The following RAMP1 variants were observed in gnomAD, a reference collection of about 807,000 sequenced individuals.
The protein encoded by RAMP1 is receptor activity modifying protein 1.
RAMP1 carries 7 observed loss-of-function variants against 8.2 expected under a neutral mutation model. That is an observed-to-expected ratio of 0.85 (90% confidence interval 0.49 to 1.60). The LOEUF is 1.60. Ranked by LOEUF, RAMP1 falls within the 40% of genes most tolerant of loss-of-function variation. RAMP1 has a pLI of 0.00. For synonymous variants in RAMP1, 92 were observed against 84.7 expected (o/e 1.09, Z -0.47); for missense variants, 192 against 202.4 (o/e 0.95, Z 0.31).
chr2:237,904,087 ATTT>A (rs2062631778), intron 2 of RAMP1, among the ~76,000 whole-genome samples: 1 of 152,120 alleles, frequency 6.6e-6, no homozygotes, highest in Non-Finnish European at 1.5e-5. Context: ...TTGGTCTTTC[ATTT>A]CACATGCTTA....
intron 1 of RAMP1, among the ~76,000 whole-genome samples, chr2:237,864,462 G>A (rs1415170379): frequency 6.6e-6 from 1 of 152,216 alleles, no homozygotes; most frequent in Non-Finnish European, 1.5e-5. Context: ...TCTTGCCTCT[G>A]GAGGAGACAG....
At chr2:237,882,924 A>G (rs1004165303) in intron 2 of RAMP1, among the ~76,000 whole-genome samples, 1 of 152,140 alleles carries the variant, frequency 6.6e-6, no homozygotes, top group Non-Finnish European at 1.5e-5. Flanking sequence ...GGCTGGCCTC[A>G]GGGAATGCTC....
chr2:237,884,412 A>G (rs759968326), intron 2 of RAMP1, among the ~76,000 whole-genome samples: 3 of 152,166 alleles, frequency 2.0e-5, no homozygotes, highest in Non-Finnish European at 2.9e-5. Flanking sequence ...AGACCTTCCT[A>G]TGGGTGTAGG....
chr2:237,878,117 CG>C lies in RAMP1; in HGVS notation c.191+759del. ...TCCTGGGGCTGCAGTGGGTGAGTAG[CG>C]GGGTCAGCAGTGCATGCGTGGAGCT... is the stretch of plus-strand genomic sequence containing the variant. On this transcript the variant is annotated intron_variant, in intron 2 of 2. Transcript: ENST00000254661. This position sits in a 1 kb window ranked among gnomAD's most constrained non-coding sequence, Gnocchi z 5.7. 1.0e-6 allele frequency: 1 copy of C among 985,396 alleles called. No homozygotes were observed. Among genetic ancestry groups the C allele is most frequent in the Non-Finnish European group, 1.2e-6 (1 of 829,900 alleles). 61.0% of individuals were successfully genotyped at this position (985,396 alleles called of 1,614,324 possible).
At chr2:237,906,560 T>G (rs1009027319) in intron 2 of RAMP1, among the ~76,000 whole-genome samples, 11 of 152,268 alleles carry the variant, frequency 7.2e-5, no homozygotes, top group Middle Eastern at 3.4e-3. Context: ...TTCTATTGTC[T>G]TCATTTTCAC....
At chr2:237,886,018 A>G (rs985219261) in intron 2 of RAMP1, among the ~76,000 whole-genome samples, 9 of 152,168 alleles carry the variant, frequency 5.9e-5, no homozygotes, top group Non-Finnish European at 1.0e-4. Flanking sequence ...GGAGAGAAGG[A>G]GGTGGCTGTG....
chr2:237,911,894 C>T lies in RAMP1; in HGVS notation c.*111C>T. On this transcript the variant is annotated 3_prime_UTR_variant, in exon 3 of 3. Transcript: ENST00000254661. ...GACAGAGCAGGCCCACAATGCCCCC[C>T]TTCTTCCAGCCAAGAAGAGCTCACA... 2 of 1,416,844 alleles carry T rather than the reference C, an allele frequency of 1.4e-6. No homozygotes were observed. The highest frequency in any genetic ancestry group is 1.9e-6 in the Non-Finnish European group (2 of 1,072,142). 87.8% of individuals were successfully genotyped at this position (1,416,844 alleles called of 1,614,324 possible).
At chr2:237,902,326 G>A (rs1176395502) in intron 2 of RAMP1, among the ~76,000 whole-genome samples, 1 of 143,438 alleles carries the variant, frequency 7.0e-6, no homozygotes, top group African/African-American at 2.6e-5. Context: ...GAGGAGGGAG[G>A]GATCAGGGGG....
In RAMP1 at chr2:237,883,912, CTTTTT is replaced by C. The variant is rs34291315; in HGVS notation, c.191+6570_191+6574del. Among the ~76,000 whole-genome samples the C allele has an allele frequency of 6.1e-3, 571 of 92,980 alleles. 6 individuals are homozygous for C. Among genetic ancestry groups the C allele is most frequent in the African/African-American group, 0.029 (546 of 19,028 alleles). The allele number at this position is 92,980 out of a possible 152,430, so 61.0% of individuals were successfully genotyped here. A position where few individuals can be genotyped will look rare whatever the true frequency, so the allele number is the denominator to read the frequency against. On this transcript the variant is annotated intron_variant, in intron 2 of 2. Coordinates refer to ENST00000254661, the MANE Select transcript of RAMP1 (RefSeq NM_005855.4). Reference sequence around the variant, plus strand: ...GTCCCTGCCCTGGCCTGTAGGTCCACTTTTTTTTTTTTTTTTTTTTTTTTGCGCAT... The same window carrying C: ...GTCCCTGCCCTGGCCTGTAGGTCCACTTTTTTTTTTTTTTTTTTTGCGCAT...
intron 2 of RAMP1, among the ~76,000 whole-genome samples, chr2:237,907,978 G>T (rs1401752748): frequency 1.3e-5 from 2 of 152,218 alleles, no homozygotes; most frequent in African/African-American, 4.8e-5. Context: ...TGTGGGATTT[G>T]AGTCAATCTT....
intron 2 of RAMP1, among the ~76,000 whole-genome samples, chr2:237,895,965 G>A (rs1451139079): frequency 2.0e-5 from 3 of 152,176 alleles, no homozygotes; most frequent in Non-Finnish European, 4.4e-5. Context: ...ACACAGCTGG[G>A]CAGCTAGACC....
At chr2:237,908,840 G>A (rs2062679269) in intron 2 of RAMP1, among the ~76,000 whole-genome samples, 1 of 152,160 alleles carries the variant, frequency 6.6e-6, no homozygotes, top group African/African-American at 2.4e-5. Flanking sequence ...GCCATGGTGT[G>A]TCTTTGTCTG....
At chr2:237,900,939 A>T (rs1048260538) in intron 2 of RAMP1, among the ~76,000 whole-genome samples, 2 of 152,240 alleles carry the variant, frequency 1.3e-5, no homozygotes, top group African/African-American at 4.8e-5. Flanking sequence ...TCAGACAGTC[A>T]CTGCATCGGT....
chr2:237,899,144 C>T (rs899297312), intron 2 of RAMP1, among the ~76,000 whole-genome samples: 7 of 151,814 alleles, frequency 4.6e-5, no homozygotes, highest in Admixed American at 3.3e-4. Context: ...GATCTCCGCT[C>T]GCTGCAACCT....
chr2:237,893,958 TAAA>T (rs2062511907), intron 2 of RAMP1, among the ~76,000 whole-genome samples: 1 of 136,788 alleles, frequency 7.3e-6, no homozygotes, highest in Non-Finnish European at 1.6e-5. Flanking sequence ...TAAGTAAAAA[TAAA>T]AATACTTTCT....
At chr2:237,876,809 C>T (rs572392479) in intron 1 of RAMP1, among the ~76,000 whole-genome samples, 5 of 152,152 alleles carry the variant, frequency 3.3e-5, no homozygotes, top group Non-Finnish European at 5.9e-5. Context: ...GTTCATAGCC[C>T]GCAGATAGTC....
chr2:237,892,698 G>T (rs1413392303), intron 2 of RAMP1, among the ~76,000 whole-genome samples: 1 of 152,024 alleles, frequency 6.6e-6, no homozygotes. Flanking sequence ...GGCCTCCCCT[G>T]TGTGAGATGA....
intron 1 of RAMP1, among the ~76,000 whole-genome samples, chr2:237,871,804 C>T (rs1376394934): frequency 2.6e-5 from 4 of 152,090 alleles, no homozygotes; most frequent in African/African-American, 7.2e-5. Flanking sequence ...AAGGCTGCAG[C>T]GAGCCAAGAG....
intron 2 of RAMP1, among the ~76,000 whole-genome samples, chr2:237,880,790 TTTAC>T (rs1329512905): frequency 6.6e-6 from 1 of 152,140 alleles, no homozygotes; most frequent in African/African-American, 2.4e-5. Flanking sequence ...GATTATCCCC[TTTAC>T]TTAAAGACAA....
Sources: allele counts gnomAD v4.1 joint callset (sites outside exome capture counted in the v4.1 genomes callset), GRCh38; gene constraint gnomAD v4.1.1; non-coding constraint Gnocchi (gnomAD v3.1); transcripts MANE v1.5; gene names NCBI Gene and HGNC (gene_info 2026-07-23, HGNC 2026-07-21).